TCEANC2: variants seen among roughly 807,000 people sequenced by gnomAD.
The protein encoded by TCEANC2 is transcription elongation factor A N-terminal and central domain-containing protein 2.
Under a neutral mutation model 22.8 loss-of-function variants are expected in TCEANC2, and 20 were observed. That is an observed-to-expected ratio of 0.88 (90% confidence interval 0.62 to 1.28). The LOEUF is 1.28. Among genes scored for constraint, TCEANC2 ranks in the 50% most tolerant of loss-of-function variants. The pLI is 0.00. For missense variants in TCEANC2, 251 were observed against 249.7 expected (o/e 1.01, Z -0.03); for synonymous variants, 84 against 95.5 (o/e 0.88, Z 0.70).
downstream of TCEANC2, among the ~76,000 whole-genome samples, chr1:54,109,579 C>T (rs959452896): frequency 1.3e-5 from 2 of 152,182 alleles, no homozygotes; most frequent in Non-Finnish European, 2.9e-5. Context: ...TCAGGCATTT[C>T]GTTATCTGTT....
At position 54,054,145 on chromosome 1, in the gene TCEANC2, G is replaced by A. The variant is rs1436072914; in HGVS notation, c.-42-236G>A. On this transcript the variant is annotated intron_variant, in intron 1 of 4. Coordinates refer to ENST00000234827, the MANE Select transcript of TCEANC2 (RefSeq NM_153035.3). ...CCCCAATGTTGGAATCCTCGCTAGA[G>A]CGTGCACTTCTGGAAGCTAGGAACC... 3.2e-6 allele frequency: 3 copies of A among 942,204 alleles called. No homozygotes were observed. In the East Asian group the frequency reaches 9.1e-5, roughly 28 times the overall value. 58.4% of individuals were successfully genotyped at this position (942,204 alleles called of 1,614,324 possible).
chr1:54,054,240 G>GA, intron 1 of TCEANC2, 141 bp from the exon 2 acceptor site: 3 of 1,438,530 alleles, frequency 2.1e-6, no homozygotes, highest in Middle Eastern at 1.8e-4. Context: ...CTTTTAAAGA[G>GA]AAAATCTTAC....
chr1:54,082,653 G>C (rs1043172896), intron 3 of TCEANC2, among the ~76,000 whole-genome samples: 1 of 152,128 alleles, frequency 6.6e-6, no homozygotes, highest in Non-Finnish European at 1.5e-5. Flanking sequence ...GGACATGCAA[G>C]CTGCTCTCTA....
At chr1:54,088,540 C>A (rs978407813) in intron 3 of TCEANC2, 57 bp from the exon 4 acceptor site, 10 of 1,437,256 alleles carry the variant, frequency 7.0e-6, no homozygotes, top group Middle Eastern at 2.4e-4. Flanking sequence ...TCTAGTCCTG[C>A]GCTTCTCAGA....
intron 3 of TCEANC2, among the ~76,000 whole-genome samples, chr1:54,081,627 T>A (rs757705857): frequency 7.2e-5 from 11 of 152,346 alleles, no homozygotes; most frequent in South Asian, 6.2e-4. Flanking sequence ...GTAGAGGGTT[T>A]CCCAGACTCC....
intron 4 of TCEANC2, among the ~76,000 whole-genome samples, chr1:54,095,819 A>T (rs1356440347): frequency 6.6e-6 from 1 of 152,198 alleles, no homozygotes; most frequent in East Asian, 1.9e-4. Flanking sequence ...AAATGTGATA[A>T]TAGGAGTTAT....
rs138933464 is a variant in TCEANC2, at chr1:54,081,331, C to T, written c.245-7266C>T. ...GCAGCCTCGAACTCCTGGGCACACACGATCCTCTTGCCTCAGCCTCCCAGG... is the reference window on the plus strand; with the variant it reads ...GCAGCCTCGAACTCCTGGGCACACATGATCCTCTTGCCTCAGCCTCCCAGG... On this transcript the variant is annotated intron_variant, in intron 3 of 4. Transcript: ENST00000234827. 9.3e-3 allele frequency among the ~76,000 whole-genome samples: 1,410 copies of T among 152,248 alleles called. 24 individuals carry two copies. The highest frequency in any genetic ancestry group is 0.032 in the African/African-American group (1,323 of 41,528).
At chr1:54,095,070 A>G (rs1262135943) in intron 4 of TCEANC2, among the ~76,000 whole-genome samples, 4 of 152,198 alleles carry the variant, frequency 2.6e-5, no homozygotes, top group African/African-American at 9.7e-5. Context: ...ACTTGAGCCC[A>G]TGAGTTTGAG....
intron 4 of TCEANC2, among the ~76,000 whole-genome samples, chr1:54,091,592 G>T (rs535409885): frequency 4.6e-5 from 7 of 152,142 alleles, no homozygotes; most frequent in Non-Finnish European, 8.8e-5. Flanking sequence ...ATAACGCACA[G>T]CCTAAAGGTG....
intron 2 of TCEANC2, among the ~76,000 whole-genome samples, chr1:54,057,347 A>ATTTTTTTTTTT (rs1163556776): frequency 1.2e-5 from 1 of 85,930 alleles, no homozygotes; most frequent in Non-Finnish European, 2.1e-5. Context: ...CACCTGGCTA[A>ATTTTTTTTTTT]TTTTTTTTTT....
At chr1:54,077,495 AT>A (rs1199272138) in intron 3 of TCEANC2, among the ~76,000 whole-genome samples, 1 of 152,144 alleles carries the variant, frequency 6.6e-6, no homozygotes, top group Non-Finnish European at 1.5e-5. Flanking sequence ...CAGACTGTGA[AT>A]TTGAGACCAT....
chr1:54,057,921 A>T (rs1657783970), intron 2 of TCEANC2, among the ~76,000 whole-genome samples: 1 of 152,180 alleles, frequency 6.6e-6, no homozygotes, highest in Non-Finnish European at 1.5e-5. Flanking sequence ...GTTTGCCTGG[A>T]ATTCCCTTAC....
At chr1:54,075,629 AG>A (rs754860795) in intron 3 of TCEANC2, among the ~76,000 whole-genome samples, 9 of 152,324 alleles carry the variant, frequency 5.9e-5, no homozygotes, top group East Asian at 5.8e-4. Context: ...GTTCAAATAA[AG>A]CTTGGAAAAT....
intron 3 of TCEANC2, among the ~76,000 whole-genome samples, chr1:54,072,827 T>C (rs970272793): frequency 6.6e-6 from 1 of 152,242 alleles, no homozygotes; most frequent in Non-Finnish European, 1.5e-5. Flanking sequence ...TTCTTCTGTA[T>C]TCATCTGACT....
intron 3 of TCEANC2, among the ~76,000 whole-genome samples, chr1:54,078,230 C>T (rs1197194646): frequency 1.3e-5 from 2 of 151,998 alleles, no homozygotes; most frequent in Non-Finnish European, 2.9e-5. Flanking sequence ...TTTCTATGAG[C>T]TCTGTAAATG....
At chr1:54,073,635 A>AT (rs1454149523) in intron 3 of TCEANC2, among the ~76,000 whole-genome samples, 2 of 152,180 alleles carry the variant, frequency 1.3e-5, no homozygotes, top group Non-Finnish European at 2.9e-5. Flanking sequence ...TTTGCTCTTT[A>AT]TCTTAAAGAT....
At chr1:54,071,368 T>C (rs1350416352) in intron 3 of TCEANC2, among the ~76,000 whole-genome samples, 1 of 152,186 alleles carries the variant, frequency 6.6e-6, no homozygotes, top group African/African-American at 2.4e-5. Flanking sequence ...GGGGTTGCAG[T>C]CATCTGAAGG....
intron 3 of TCEANC2, among the ~76,000 whole-genome samples, chr1:54,086,158 T>A (rs78985255): frequency 0.035 from 5,300 of 152,324 alleles, 115 homozygotes; most frequent in Middle Eastern, 0.054. Context: ...TATATGAGTC[T>A]CTCATTCAAC....
chr1:54,079,222 CTCT>C (rs1367795665), intron 3 of TCEANC2, among the ~76,000 whole-genome samples: 4 of 152,138 alleles, frequency 2.6e-5, no homozygotes, highest in African/African-American at 9.7e-5. Context: ...AACAAAACCC[CTCT>C]TCTTACAAAG....
Sources: gnomAD v4.1 joint callset for allele counts (sites outside exome capture counted in the v4.1 genomes callset) on GRCh38, gnomAD v4.1.1 for gene constraint, MANE v1.5 for transcripts, NCBI Gene and HGNC (gene_info 2026-07-23, HGNC 2026-07-21) for gene names.